Variants in A2M observed in about 807,000 individuals in gnomAD.
A2M encodes alpha-2-macroglobulin.
In A2M, 128 loss-of-function variants were observed where a neutral mutation model predicts 183.9. The observed-to-expected ratio is 0.70, with a 90% confidence interval of 0.60 to 0.81. A2M has a LOEUF of 0.81. Ranked by LOEUF, A2M falls within the 30% of genes least tolerant of loss-of-function variation. The probability of loss-of-function intolerance (pLI) is 0.00; values close to 1 mark genes in which losing one functional copy is unlikely to be tolerated. For missense variants in A2M, 1,495 were observed against 1,787.6 expected (o/e 0.84, Z 2.95); for synonymous variants, 592 against 670.8 (o/e 0.88, Z 1.81).
chr12:9,109,172 G>T, intron 7 of A2M, 149 bp downstream of exon 7: 1 of 607,910 alleles, frequency 1.6e-6, no homozygotes. Context: ...AAAAGCAACA[G>T]GAGAATAACA....
intron 10 of A2M, 105 bp from the exon 11 acceptor site, chr12:9,104,505 T>G: frequency 8.2e-7 from 1 of 1,219,750 alleles, no homozygotes; most frequent in Admixed American, 2.6e-5. Context: ...TGAACATGGT[T>G]CCAGGCACTG....
At chr12:9,110,685 T>A (rs1289130574) in intron 4 of A2M, among the ~76,000 whole-genome samples, 1 of 151,970 alleles carries the variant, frequency 6.6e-6, no homozygotes, top group African/African-American at 2.4e-5. Flanking sequence ...TAAATATATA[T>A]ACCTGCTATG....
chr12:9,097,777 C>T (rs755838637), intron 15 of A2M, among the ~76,000 whole-genome samples: 18 of 151,918 alleles, frequency 1.2e-4, no homozygotes, highest in African/African-American at 2.9e-4. Flanking sequence ...GGATGACAGG[C>T]GCCCGCCACC....
chr12:9,081,279 T>A (rs75415906), intron 22 of A2M, among the ~76,000 whole-genome samples: 7 of 151,920 alleles, frequency 4.6e-5, no homozygotes, highest in Non-Finnish European at 7.4e-5. Flanking sequence ...AACAGCAAAA[T>A]TTTTTTTTCT....
At chr12:9,077,910 A>C in intron 25 of A2M, 53 bp from the exon 26 acceptor site, 1 of 1,608,964 alleles carries the variant, frequency 6.2e-7, no homozygotes, top group Non-Finnish European at 8.5e-7. Flanking sequence ...TGGTTTTATA[A>C]CCACTTCACA....
intron 15 of A2M, among the ~76,000 whole-genome samples, chr12:9,097,158 G>A (rs976869350): frequency 6.6e-6 from 1 of 152,188 alleles, no homozygotes; most frequent in African/African-American, 2.4e-5. Flanking sequence ...TATAAAACAT[G>A]TATATTATTT....
chr12:9,076,842 A>G lies in A2M; in HGVS notation c.3446T>C (p.Leu1149Pro). 1 of 1,614,098 alleles carries G rather than the reference A, an allele frequency of 6.2e-7. No individual in the cohort carries two copies. The highest frequency in any genetic ancestry group is 8.5e-7 in the Non-Finnish European group (1 of 1,179,990). ...TGCCAGGGCAAAAGCATAGGCCAGCAGTGCTTTGGTATATACATGGCTGCC... is the reference window on the plus strand; with the variant it reads ...TGCCAGGGCAAAAGCATAGGCCAGCGGTGCTTTGGTATATACATGGCTGCC... ...DHGSHVYTKA[L>P]LAYAFALAGN... Residue 1149 changes from leucine to proline, a missense_variant, in exon 28 of 36, where the codon CTG (leucine) becomes CCG (proline). Coordinates refer to ENST00000318602, the MANE Select transcript of A2M (RefSeq NM_000014.6).
At chr12:9,079,126 T>C (rs1948830755) in intron 25 of A2M, 118 bp downstream of exon 25, 1 of 747,940 alleles carries the variant, frequency 1.3e-6, no homozygotes, top group Non-Finnish European at 2.2e-6. Context: ...TTATCTAGTA[T>C]AACAAACCAT....
chr12:9,107,130 C>T (rs143096420), intron 8 of A2M, among the ~76,000 whole-genome samples: 7 of 152,172 alleles, frequency 4.6e-5, no homozygotes, highest in African/African-American at 1.2e-4. Context: ...GGCTGGGAAG[C>T]GGCCTTCTAT....
chr12:9,100,490 G>GCTGGT (rs1387416123), intron 13 of A2M, among the ~76,000 whole-genome samples: 1 of 151,198 alleles, frequency 6.6e-6, no homozygotes, highest in African/African-American at 2.4e-5. Flanking sequence ...TGTTGACCAG[G>GCTGGT]CTGGTCTCAA....
chr12:9,073,445 C>T (rs1000251227), intron 29 of A2M, among the ~76,000 whole-genome samples: 5 of 152,154 alleles, frequency 3.3e-5, no homozygotes, highest in Admixed American at 2.0e-4. Flanking sequence ...ATTTCCTGTT[C>T]CCAGTGAATG....
At position 9,067,766 on chromosome 12, in the gene A2M, C is replaced by A; in HGVS notation, c.*57G>T. 6.4e-7 allele frequency: 1 copy of A among 1,563,888 alleles called. No homozygotes were observed. The highest frequency in any genetic ancestry group is 1.1e-5 in the South Asian group (1 of 88,466). Reference sequence around the variant, plus strand: ...TCTTTAAAGATACAAAAACACGTGTCTTCTGTGGAGCTCTGAGAACAGGAC... The same window carrying A: ...TCTTTAAAGATACAAAAACACGTGTATTCTGTGGAGCTCTGAGAACAGGAC... On this transcript the variant is annotated 3_prime_UTR_variant, in exon 36 of 36. Transcript: ENST00000318602.
chr12:9,088,433 TA>T (rs1438548776), intron 22 of A2M, among the ~76,000 whole-genome samples: 1 of 152,156 alleles, frequency 6.6e-6, no homozygotes, highest in Non-Finnish European at 1.5e-5. Context: ...GAATGATAGG[TA>T]ATCAGTTCAC....
chr12:9,072,696 T>C lies in A2M; in HGVS notation c.3932A>G (p.Glu1311Gly). 1 of 1,614,154 alleles carries C rather than the reference T, an allele frequency of 6.2e-7. No homozygotes were observed. The highest frequency in any genetic ancestry group is 8.5e-7 in the Non-Finnish European group (1 of 1,180,038). The change falls in exon 30 of 36, where the codon GAA (glutamate) becomes GGA (glycine). Residue 1311 changes from glutamate (E) to glycine (G), a missense_variant. Glu to Gly is a moderately conservative substitution (Grantham distance 98). Coordinates refer to ENST00000318602, the MANE Select transcript of A2M (RefSeq NM_000014.6). ...TTCTCCTGTCACTTTCATGCTGTAT[T>C]CCCCAGGCAGCTCTGGCAATGAGAC... ...QQVSLPELPG[E>G]YSMKVTGEGC... is the part of the protein sequence containing the mutation.
At chr12:9,115,683 A>G in intron 1 of A2M, 81 bp downstream of exon 1, 1 of 1,075,996 alleles carries the variant, frequency 9.3e-7, no homozygotes. Context: ...CATAGGAAAG[A>G]AAAAGGAATG....
Position 9,093,483 on chromosome 12 carries a change from C to T in A2M, c.2222G>A (p.Trp741Ter), listed in dbSNP as rs1949271708. Reference sequence around the variant, plus strand: ...TACTTACTTTACCACCACCAAATCCCAGATCCATGTCTCAGGGAAGTACTT... The same window carrying T: ...TACTTACTTTACCACCACCAAATCCTAGATCCATGTCTCAGGGAAGTACTT... ...VRKYFPETWI[W>*]DLVVVNSAGV... is the part of the protein sequence containing the mutation. Residue 741 changes from tryptophan (W) to a stop codon, truncating the protein, a stop_gained, in exon 18 of 36, where the codon TGG (tryptophan) becomes TAG (stop). Coordinates refer to ENST00000318602, the MANE Select transcript of A2M (RefSeq NM_000014.6). LOFTEE classifies it high-confidence loss of function. 2.5e-6 allele frequency: 4 copies of T among 1,613,704 alleles called. No homozygotes were observed. Among genetic ancestry groups the T allele is most frequent in the South Asian group, 1.1e-5 (1 of 91,072 alleles).
At chr12:9,094,883 TTTG>T (rs1365725660) in intron 17 of A2M, 87 bp downstream of exon 17, 4 of 625,240 alleles carry the variant, frequency 6.4e-6, no homozygotes, top group Admixed American at 3.5e-5. Context: ...GTCCTTTTTG[TTTG>T]TTAATTTTTG....
At position 9,112,519 on chromosome 12, in the gene A2M, G is replaced by A; in HGVS notation, c.288C>T (p.Ser96=). The A allele has an allele frequency of 6.2e-7, 1 of 1,613,622 alleles. No individual in the cohort carries two copies. The highest frequency in any genetic ancestry group is 8.5e-7 in the Non-Finnish European group (1 of 1,179,752). ...CAGTGAGGAACATTACCTCCTCATT[G>A]GATGAAGACTTTGGGACCTGAAATA... ...CVAFAVPKSS[S]NEEVMFLTVQ... The change falls in exon 3 of 36, where the codon TCC becomes TCT. Residue 96 remains serine (S), a synonymous_variant. Transcript: ENST00000318602.
In A2M at chr12:9,072,395, T is replaced by C. The variant is rs892059946; in HGVS notation, c.4067A>G (p.Lys1356Arg). ...QTLPQTCDEP[K>R]AHTSFQISLS... ...GGAGATTTGGAAGCTGGTGTGGGCT[T>C]TGGGTTCATCACAAGTTTGAGGCAG... is the stretch of plus-strand genomic sequence containing the variant. Residue 1356 changes from lysine (K) to arginine (R), a missense_variant, in exon 31 of 36, where the codon AAA (lysine) becomes AGA (arginine). Lys to Arg is a conservative substitution (Grantham distance 26). Coordinates refer to ENST00000318602, the MANE Select transcript of A2M (RefSeq NM_000014.6). 5 of 1,613,772 alleles carry C rather than the reference T, an allele frequency of 3.1e-6. No homozygotes were observed. Among genetic ancestry groups the C allele is most frequent in the Non-Finnish European group, 4.2e-6 (5 of 1,179,854 alleles).
Sources: gnomAD v4.1 joint callset for allele counts (sites outside exome capture counted in the v4.1 genomes callset) on GRCh38, gnomAD v4.1.1 for gene constraint, MANE v1.5 for transcripts, NCBI Gene and HGNC (gene_info 2026-07-23, HGNC 2026-07-21) for gene names.